LIPC: variants seen among roughly 807,000 people sequenced by gnomAD.
LIPC encodes the protein lipase C, hepatic type.
Under a neutral mutation model 50.7 loss-of-function variants are expected in LIPC, and 44 were observed. The ratio of observed to expected loss-of-function variants is 0.87; its 90% confidence interval spans 0.68 to 1.11. The LOEUF is 1.11. Ranked by LOEUF, LIPC falls within the 50% of genes most tolerant of loss-of-function variation. LIPC has a pLI of 0.00. For synonymous variants in LIPC, 271 were observed against 256.4 expected (o/e 1.06, Z -0.54); for missense variants, 697 against 648.2 (o/e 1.08, Z -0.82).
intron 1 of LIPC, among the ~76,000 whole-genome samples, chr15:58,505,750 T>C (rs1395161691): frequency 6.6e-6 from 1 of 152,174 alleles, no homozygotes; most frequent in Non-Finnish European, 1.5e-5. Context: ...CAAGCTCAAG[T>C]TGCTAAACAA....
At chr15:58,436,195 G>A (rs748768258) in intron 1 of LIPC, 8 of 154,790 alleles carry the variant, frequency 5.2e-5, no homozygotes, top group South Asian at 2.0e-4. Context: ...ATCCTTTGAC[G>A]TCCTTATGTC....
intron 1 of LIPC, among the ~76,000 whole-genome samples, chr15:58,530,153 G>A (rs148277519): frequency 7.2e-5 from 11 of 152,356 alleles, no homozygotes; most frequent in African/African-American, 2.6e-4. Flanking sequence ...CAGCGACGCT[G>A]CATGGTCTCC....
chr15:58,528,140 CA>C (rs11443674), intron 1 of LIPC, among the ~76,000 whole-genome samples: 41 of 137,744 alleles, frequency 3.0e-4, no homozygotes, highest in Admixed American at 2.2e-4. Context: ...AACTCTGTCT[CA>C]AAAAAAAAAA....
At chr15:58,504,800 T>C (rs1892093410) in intron 1 of LIPC, among the ~76,000 whole-genome samples, 1 of 152,210 alleles carries the variant, frequency 6.6e-6, no homozygotes, top group Admixed American at 6.5e-5. Flanking sequence ...AGCAGATCTC[T>C]AAGCACGACC....
At chr15:58,488,378 G>C (rs541302836) in intron 1 of LIPC, among the ~76,000 whole-genome samples, 1 of 152,218 alleles carries the variant, frequency 6.6e-6, no homozygotes, top group Non-Finnish European at 1.5e-5. Flanking sequence ...ACATGCCTCA[G>C]TTTCCTTATC....
chr15:58,434,252 C>T (rs747525913), intron 1 of LIPC, among the ~76,000 whole-genome samples: 50 of 152,024 alleles, frequency 3.3e-4, no homozygotes, highest in Non-Finnish European at 6.0e-4. Context: ...CAAGCTTCAA[C>T]TGTCACTCAT....
At chr15:58,558,401 T>A (rs2140946680) in intron 6 of LIPC, among the ~76,000 whole-genome samples, 1 of 152,294 alleles carries the variant, frequency 6.6e-6, no homozygotes, top group South Asian at 2.1e-4. Context: ...CCACAGCCTC[T>A]TTTGCTGTCT....
At chr15:58,494,838 C>G (rs769859504) in intron 1 of LIPC, 23 of 456,154 alleles carry the variant, frequency 5.0e-5, no homozygotes, top group Middle Eastern at 6.5e-4. Flanking sequence ...GTTTCTTCAT[C>G]TGAATGTCCT....
At chr15:58,474,466 G>T (rs1890915062) in intron 1 of LIPC, among the ~76,000 whole-genome samples, 1 of 146,832 alleles carries the variant, frequency 6.8e-6, no homozygotes, top group Admixed American at 6.9e-5. Context: ...AGCCATGATT[G>T]CACCACTGCA....
intron 1 of LIPC, among the ~76,000 whole-genome samples, chr15:58,448,554 G>T (rs17269278): frequency 0.12 from 18,496 of 152,310 alleles, 1,437 homozygotes; most frequent in Non-Finnish European, 0.18. Context: ...TGCGTGGCTG[G>T]CTCAGGCTCT....
chr15:58,463,586 C>T (rs1344183512), intron 1 of LIPC, among the ~76,000 whole-genome samples: 2 of 152,206 alleles, frequency 1.3e-5, no homozygotes, highest in African/African-American at 4.8e-5. Context: ...CTGGGTCACC[C>T]ATGCCCCTCC....
At chr15:58,446,669 C>T (rs940379592) in intron 1 of LIPC, among the ~76,000 whole-genome samples, 1 of 152,106 alleles carries the variant, frequency 6.6e-6, no homozygotes, top group Non-Finnish European at 1.5e-5. Context: ...TCCTTGCACC[C>T]AGCTATCTGC....
intron 6 of LIPC, 100 bp from the exon 7 acceptor site, chr15:58,560,764 C>A (rs1894131483): frequency 5.8e-6 from 4 of 686,892 alleles, no homozygotes; most frequent in Non-Finnish European, 1.1e-5. Context: ...TATCCAAACT[C>A]TTCCCTCTGC....
chr15:58,454,116 C>A (rs1894019689), intron 1 of LIPC, among the ~76,000 whole-genome samples: 1 of 152,198 alleles, frequency 6.6e-6, no homozygotes, highest in Non-Finnish European at 1.5e-5. Flanking sequence ...GAACCCAGCC[C>A]AGTGACTCCT....
At chr15:58,556,983 T>C (rs1893975208) in intron 6 of LIPC, among the ~76,000 whole-genome samples, 1 of 152,248 alleles carries the variant, frequency 6.6e-6, no homozygotes, top group Non-Finnish European at 1.5e-5. Context: ...TTGCTGTTAT[T>C]AGTTCATAGC....
intron 1 of LIPC, among the ~76,000 whole-genome samples, chr15:58,525,066 A>C (rs1408534595): frequency 6.6e-6 from 1 of 152,188 alleles, no homozygotes; most frequent in Non-Finnish European, 1.5e-5. Flanking sequence ...TTCATTTAAA[A>C]ATTGGATCCA....
chr15:58,556,792 G>A lies in LIPC; in HGVS notation c.1052-4072G>A, dbSNP rs138700694. Among the ~76,000 whole-genome samples the A allele has an allele frequency of 7.6e-3, 1,161 of 152,290 alleles. 9 individuals carry two copies. The highest frequency in any genetic ancestry group is 0.014 in the South Asian group (68 of 4,816). On this transcript the variant is annotated intron_variant, in intron 6 of 8. Coordinates refer to ENST00000299022, the MANE Select transcript of LIPC (RefSeq NM_000236.3). ...TGCAGCTTCATCAGTTATTAGCCAC[G>A]TGACAACGACAAGTTACTTAACTTT...
At chr15:58,519,420 A>AG (rs11392924) in intron 1 of LIPC, among the ~76,000 whole-genome samples, 12,373 of 150,994 alleles carry the variant, frequency 0.082, 1,734 homozygotes, top group African/African-American at 0.29. Flanking sequence ...CAAAAAAAAA[A>AG]AAAAGAAAAA....
intron 1 of LIPC, among the ~76,000 whole-genome samples, chr15:58,491,866 G>A (rs1217485715): frequency 1.3e-5 from 2 of 152,182 alleles, no homozygotes; most frequent in African/African-American, 4.8e-5. Context: ...AACACTGCCT[G>A]CCACGTGATT....
Sources: gnomAD v4.1 joint callset for allele counts (sites outside exome capture counted in the v4.1 genomes callset) on GRCh38, gnomAD v4.1.1 for gene constraint, MANE v1.5 for transcripts, NCBI Gene and HGNC (gene_info 2026-07-23, HGNC 2026-07-21) for gene names.